ACCSL: variants seen among roughly 807,000 people sequenced by gnomAD.
The protein encoded by ACCSL is probable inactive 1-aminocyclopropane-1-carboxylate synthase-like protein 2.
A neutral mutation model predicts 61.7 loss-of-function variants in ACCSL; 55 were observed. The ratio of observed to expected loss-of-function variants is 0.89; its 90% CI spans 0.72 to 1.12. The LOEUF (loss-of-function observed/expected upper bound fraction) is 1.12, where lower values mean the gene tolerates loss of function less well. Ranked by LOEUF, ACCSL falls within the 50% of genes most tolerant of loss-of-function variation. The pLI is 0.00. For synonymous variants in ACCSL, 258 were observed against 264.3 expected, an observed-to-expected ratio of 0.98 and a Z score of 0.23; for missense variants, 632 against 698.0, an observed-to-expected ratio of 0.91 and a Z score of 1.07.
At chr11:43,932,333 T>G in the ACCSL span, among the ~76,000 whole-genome samples, 1 of 152,080 alleles carries the variant, frequency 6.6e-6, no homozygotes. Flanking sequence ...AGTGGCACAG[T>G]CTCAGCTCAC....
At chr11:43,929,394 CATTT>C in the ACCSL span, among the ~76,000 whole-genome samples, 26,041 of 151,790 alleles carry the variant, frequency 0.17, 2,300 homozygotes, top group Middle Eastern at 0.24. Flanking sequence ...TAATTTTTAA[CATTT>C]ATTTATTTAT....
the ACCSL span, among the ~76,000 whole-genome samples, chr11:43,949,264 G>A: frequency 6.6e-6 from 1 of 152,192 alleles, no homozygotes; most frequent in Non-Finnish European, 1.5e-5. Flanking sequence ...GGGGAGGGTG[G>A]TGGGCACCAT....
chr11:43,950,356 G>A, the ACCSL span, among the ~76,000 whole-genome samples: 1 of 152,208 alleles, frequency 6.6e-6, no homozygotes, highest in African/African-American at 2.4e-5. Flanking sequence ...AATTGATTGA[G>A]ACTTGTCTCA....
chr11:43,942,079 C>A, the ACCSL span, among the ~76,000 whole-genome samples: 1 of 151,254 alleles, frequency 6.6e-6, no homozygotes, highest in Middle Eastern at 3.4e-3. Context: ...TGTGTGTGCG[C>A]GCGCGCGCCT....
the ACCSL span, among the ~76,000 whole-genome samples, chr11:44,012,360 C>G: frequency 2.0e-5 from 3 of 151,866 alleles, no homozygotes; most frequent in Non-Finnish European, 4.4e-5. Context: ...GATCTCAGCT[C>G]ACTGCAACCT....
chr11:43,941,505 C>T, the ACCSL span, among the ~76,000 whole-genome samples: 6 of 152,328 alleles, frequency 3.9e-5, no homozygotes, highest in African/African-American at 9.6e-5. Context: ...TGTCAGTGCC[C>T]CACATCTCAA....
chr11:43,922,008 C>T, the ACCSL span, among the ~76,000 whole-genome samples: 3 of 152,186 alleles, frequency 2.0e-5, no homozygotes, highest in South Asian at 4.1e-4. Flanking sequence ...CAGCCTGTTG[C>T]TTTGTTTTGC....
At chr11:43,923,137 C>T in the ACCSL span, among the ~76,000 whole-genome samples, 1 of 152,296 alleles carries the variant, frequency 6.6e-6, no homozygotes, top group South Asian at 2.1e-4. Flanking sequence ...ACTATAGAGC[C>T]GTCTCCTGAA....
the ACCSL span, among the ~76,000 whole-genome samples, chr11:44,007,348 C>T: frequency 9.2e-5 from 14 of 152,104 alleles, no homozygotes; most frequent in African/African-American, 2.7e-4. Context: ...AGAGCCTGGG[C>T]GAGAAAGAAG....
At chr11:43,950,903 A>G in the ACCSL span, among the ~76,000 whole-genome samples, 2,777 of 152,316 alleles carry the variant, frequency 0.018, 91 homozygotes, top group African/African-American at 0.064. Flanking sequence ...AAATTAGTAC[A>G]ATCCTGGTAG....
the ACCSL span, among the ~76,000 whole-genome samples, chr11:43,961,888 T>C: frequency 3.3e-5 from 5 of 152,242 alleles, no homozygotes; most frequent in African/African-American, 1.2e-4. Flanking sequence ...TTTATTTACA[T>C]AGGGCGTACC....
the ACCSL span, among the ~76,000 whole-genome samples, chr11:44,005,505 A>G: frequency 1.3e-5 from 2 of 152,022 alleles, no homozygotes; most frequent in Admixed American, 1.3e-4. Context: ...AATCTCTCAC[A>G]GTGAGGCAGC....
In ACCSL at chr11:44,050,178, C is replaced by T. The variant is rs560305489; in HGVS notation, c.564+57C>T. The T allele has an allele frequency of 3.5e-5, 51 of 1,458,016 alleles. No homozygotes were observed. In the East Asian group the frequency reaches 4.3e-4, roughly 12 times the overall value. 90.3% of individuals were successfully genotyped at this position (1,458,016 alleles called of 1,614,324 possible). ...CCCCTTCAAGGCTTAGTCCCCCTAG[C>T]GTGCTCCTGAGCTATGGTAGATACA... On this transcript the variant is annotated intron_variant, in intron 2 of 13. Coordinates refer to ENST00000378832, the MANE Select transcript of ACCSL (RefSeq NM_001031854.2).
upstream of ACCSL, among the ~76,000 whole-genome samples, chr11:44,044,610 C>T (rs1952588923): frequency 6.6e-6 from 1 of 152,058 alleles, no homozygotes. Flanking sequence ...AGTACTGAGA[C>T]ACCAGAGGAG....
At chr11:43,921,848 A>T in the ACCSL span, among the ~76,000 whole-genome samples, 1 of 152,224 alleles carries the variant, frequency 6.6e-6, no homozygotes, top group Admixed American at 6.5e-5. Flanking sequence ...TCCAGATACC[A>T]CATGCCAGAA....
the ACCSL span, among the ~76,000 whole-genome samples, chr11:43,972,317 C>T: frequency 0.048 from 7,296 of 152,270 alleles, 294 homozygotes; most frequent in Non-Finnish European, 0.068. Flanking sequence ...ACTCATGTCA[C>T]CCACTGCCCC....
upstream of ACCSL, among the ~76,000 whole-genome samples, chr11:44,045,456 C>T (rs1190369528): frequency 3.9e-5 from 6 of 152,178 alleles, no homozygotes; most frequent in East Asian, 1.2e-3. Context: ...AAACAACCCC[C>T]CCCACAAAAA....
chr11:43,977,917 A>G, the ACCSL span, among the ~76,000 whole-genome samples: 3 of 151,000 alleles, frequency 2.0e-5, no homozygotes, highest in East Asian at 5.9e-4. Context: ...CATATAGAAT[A>G]TGCTTCCTAC....
chr11:43,982,314 A>C, the ACCSL span, among the ~76,000 whole-genome samples: 2 of 129,692 alleles, frequency 1.5e-5, no homozygotes, highest in Non-Finnish European at 1.6e-5. Flanking sequence ...TGAAACCTCC[A>C]CCTCCCAGGT....
Sources: gnomAD v4.1 joint callset for allele counts (sites outside exome capture counted in the v4.1 genomes callset) on GRCh38, gnomAD v4.1.1 for gene constraint, MANE v1.5 for transcripts, NCBI Gene and HGNC (gene_info 2026-07-23, HGNC 2026-07-21) for gene names.